SCIMP: variants seen among roughly 807,000 people sequenced by gnomAD.
SCIMP encodes SLP adapter and CSK-interacting membrane protein.
A neutral mutation model predicts 22.0 loss-of-function variants in SCIMP; 18 were observed. That is an observed-to-expected ratio of 0.82 (90% confidence interval 0.56 to 1.21). The LOEUF (loss-of-function observed/expected upper bound fraction) is 1.21. SCIMP is among the 50% of genes most tolerant of loss of function. The probability of loss-of-function intolerance (pLI) is 0.00; values close to 1 mark genes in which losing one functional copy is unlikely to be tolerated. For synonymous variants in SCIMP, 53 were observed against 62.2 expected, an observed-to-expected ratio of 0.85 and a Z score of 0.70; for missense variants, 155 against 171.2, an observed-to-expected ratio of 0.91 and a Z score of 0.53.
intron 2 of SCIMP, 73 bp downstream of exon 2, chr17:5,223,260 C>G (rs1019506699): frequency 7.2e-6 from 11 of 1,533,750 alleles, no homozygotes; most frequent in Non-Finnish European, 9.8e-6. Context: ...GATTTGCTTG[C>G]CCTAAAGGAG....
At chr17:5,226,960 C>A (rs925415779) in intron 1 of SCIMP, among the ~76,000 whole-genome samples, 8 of 151,968 alleles carry the variant, frequency 5.3e-5, no homozygotes, top group African/African-American at 1.9e-4. Flanking sequence ...AGAGAGGAAG[C>A]CCTGGGGAAG....
At chr17:5,233,091 T>C (rs2074715470) in intron 1 of SCIMP, among the ~76,000 whole-genome samples, 1 of 152,132 alleles carries the variant, frequency 6.6e-6, no homozygotes, top group African/African-American at 2.4e-5. Flanking sequence ...CAAGTGTGCA[T>C]GGGGAAGTGC....
rs1190008422 is a variant in SCIMP at position 5,230,551 on chromosome 17, C to T, written c.21+4184G>A. The stretch of plus-strand genomic sequence containing the variant: ...AGGATGGTGCAAAGGTGGGAGTGAA[C>T]CCGAGGGCTAGATTAGGCCTGCAGA... On this transcript the variant is annotated intron_variant, in intron 1 of 4. Coordinates refer to ENST00000574081, the MANE Select transcript of SCIMP (RefSeq NM_207103.3). Among the ~76,000 whole-genome samples the T allele has an allele frequency of 4.6e-5, 7 of 152,080 alleles. No individual in the cohort carries two copies. In the South Asian group the frequency reaches 1.5e-3, roughly 32 times the overall value.
At chr17:5,218,336 T>C (rs988627569) in intron 3 of SCIMP, among the ~76,000 whole-genome samples, 1 of 150,884 alleles carries the variant, frequency 6.6e-6, no homozygotes, top group Non-Finnish European at 1.5e-5. Context: ...ATACCAGTTT[T>C]AGTTTTTTGC....
At chr17:5,217,484 C>T (rs1014175514) in intron 3 of SCIMP, among the ~76,000 whole-genome samples, 11 of 151,228 alleles carry the variant, frequency 7.3e-5, no homozygotes, top group Non-Finnish European at 1.5e-4. Context: ...CATGTGTATA[C>T]GTGTGCCATG....
chr17:5,230,760 A>C (rs2074687511), intron 1 of SCIMP, among the ~76,000 whole-genome samples: 1 of 151,982 alleles, frequency 6.6e-6, no homozygotes, highest in Non-Finnish European at 1.5e-5. Flanking sequence ...CTCTCTACTG[A>C]AAATAAAAAC....
chr17:5,225,071 C>T (rs2074636828), intron 1 of SCIMP, among the ~76,000 whole-genome samples: 1 of 152,166 alleles, frequency 6.6e-6, no homozygotes, highest in Non-Finnish European at 1.5e-5. Flanking sequence ...GGCAAATGAC[C>T]AAGGCGTTTC....
At chr17:5,220,474 C>T (rs2074598450) in intron 3 of SCIMP, among the ~76,000 whole-genome samples, 1 of 150,658 alleles carries the variant, frequency 6.6e-6, no homozygotes, top group South Asian at 2.1e-4. Context: ...TGCAGTGGCT[C>T]ACGTCTATAA....
intron 4 of SCIMP, chr17:5,213,819 G>C (rs1216569375): frequency 6.6e-6 from 1 of 152,180 alleles, no homozygotes; most frequent in Non-Finnish European, 1.5e-5. Flanking sequence ...CTGCACTCCA[G>C]CCTGGGTGAG....
chr17:5,223,095 G>T (rs1380202489), intron 2 of SCIMP, among the ~76,000 whole-genome samples: 1 of 152,184 alleles, frequency 6.6e-6, no homozygotes, highest in African/African-American at 2.4e-5. Flanking sequence ...GATGATTAGG[G>T]CTGGAAGGGC....
At chr17:5,212,579 A>C (rs988509164) in intron 4 of SCIMP, among the ~76,000 whole-genome samples, 1 of 152,126 alleles carries the variant, frequency 6.6e-6, no homozygotes, top group Admixed American at 6.6e-5. Context: ...GCTTGCAGTG[A>C]GCCGAGATTG....
At chr17:5,226,182 C>T (rs903140818) in intron 1 of SCIMP, among the ~76,000 whole-genome samples, 8 of 152,082 alleles carry the variant, frequency 5.3e-5, no homozygotes, top group Non-Finnish European at 4.4e-5. Context: ...AAGGTCGAGG[C>T]GGGAAGACAG....
chr17:5,213,643 T>G (rs2074543375), intron 4 of SCIMP: 1 of 152,122 alleles, frequency 6.6e-6, no homozygotes, highest in South Asian at 2.1e-4. Context: ...GGTCAGGAGT[T>G]CAAGACGAGC....
chr17:5,229,820 C>T (rs2074679930), intron 1 of SCIMP, among the ~76,000 whole-genome samples: 1 of 146,302 alleles, frequency 6.8e-6, no homozygotes, highest in Admixed American at 6.9e-5. Flanking sequence ...AACAAGTTCC[C>T]CTCCCCTCCC....
intron 1 of SCIMP, among the ~76,000 whole-genome samples, chr17:5,231,905 A>C (rs2074698526): frequency 6.6e-6 from 1 of 152,080 alleles, no homozygotes; most frequent in African/African-American, 2.4e-5. Context: ...AAATACAAAA[A>C]ATTAGCCAGG....
chr17:5,213,543 T>A (rs1026633725), intron 4 of SCIMP: 1 of 152,280 alleles, frequency 6.6e-6, no homozygotes, highest in African/African-American at 2.4e-5. Flanking sequence ...GGCCTCTGGC[T>A]ATCTCTTTTA....
At chr17:5,215,133 C>T (rs1248429292) in intron 3 of SCIMP, 135 bp from the exon 4 acceptor site, 30 of 618,160 alleles carry the variant, frequency 4.9e-5, no homozygotes, top group Non-Finnish European at 3.0e-6. Context: ...GGAAGCATTT[C>T]CTTTCCTTTG....
chr17:5,222,410 T>TGA (rs1464312461), intron 2 of SCIMP, among the ~76,000 whole-genome samples: 1 of 151,772 alleles, frequency 6.6e-6, no homozygotes, highest in Non-Finnish European at 1.5e-5. Context: ...TTTAAAGGAA[T>TGA]GAGAGGTCAA....
intron 1 of SCIMP, among the ~76,000 whole-genome samples, chr17:5,227,281 C>T (rs1304047927): frequency 3.4e-5 from 4 of 118,048 alleles, no homozygotes; most frequent in African/African-American, 1.0e-4. Context: ...TCTCTATATA[C>T]ACACACACAC....
Sources: allele counts gnomAD v4.1 joint callset (sites outside exome capture counted in the v4.1 genomes callset), GRCh38; gene constraint gnomAD v4.1.1; transcripts MANE v1.5; gene names NCBI Gene and HGNC (gene_info 2026-07-23, HGNC 2026-07-21).